Variants in KCNQ5 observed in about 807,000 individuals in gnomAD.
KCNQ5 encodes potassium voltage-gated channel subfamily KQT member 5.
Under a neutral mutation model 98.2 loss-of-function variants are expected in KCNQ5, and 30 were observed. The ratio of observed to expected loss-of-function variants is 0.31; its 90% CI spans 0.23 to 0.41. The LOEUF (loss-of-function observed/expected upper bound fraction) is 0.41. KCNQ5 is among the 10% of genes least tolerant of loss of function. The pLI is 1.00. For missense variants in KCNQ5, 835 were observed against 1,182.5 expected, an observed-to-expected ratio of 0.71 and a Z score of 4.31; for synonymous variants, 458 against 449.4, an observed-to-expected ratio of 1.02 and a Z score of -0.24.
intron 1 of KCNQ5, among the ~76,000 whole-genome samples, chr6:72,842,764 G>A (rs776241171): frequency 4.6e-5 from 7 of 151,878 alleles, no homozygotes. Flanking sequence ...TCATATGTTT[G>A]TTGGCAGTAT....
chr6:72,753,357 A>G (rs1771782071), intron 1 of KCNQ5, among the ~76,000 whole-genome samples: 1 of 152,050 alleles, frequency 6.6e-6, no homozygotes, highest in Admixed American at 6.6e-5. Flanking sequence ...TTATTCTTTC[A>G]TTAATTGTTG....
At chr6:72,946,749 A>G (rs1326261275) in intron 1 of KCNQ5, among the ~76,000 whole-genome samples, 1 of 152,222 alleles carries the variant, frequency 6.6e-6, no homozygotes, top group Non-Finnish European at 1.5e-5. Flanking sequence ...AGTGCTTGAT[A>G]TTTCTGTTAA....
chr6:72,998,401 G>T (rs551077983), intron 1 of KCNQ5, among the ~76,000 whole-genome samples: 1 of 152,082 alleles, frequency 6.6e-6, no homozygotes, highest in Admixed American at 6.5e-5. Context: ...TCTTCTTCCT[G>T]TTAGCATCTT....
At chr6:73,012,378 T>C (rs895622084) in intron 2 of KCNQ5, among the ~76,000 whole-genome samples, 1 of 151,984 alleles carries the variant, frequency 6.6e-6, no homozygotes, top group Non-Finnish European at 1.5e-5. Flanking sequence ...AGAAAAATAA[T>C]GTATGATTCC....
chr6:72,631,820 G>T (rs960809166), intron 1 of KCNQ5, among the ~76,000 whole-genome samples: 2 of 152,134 alleles, frequency 1.3e-5, no homozygotes, highest in African/African-American at 4.8e-5. Flanking sequence ...TTATAGAGAA[G>T]AAGTTTTTTT....
intron 1 of KCNQ5, among the ~76,000 whole-genome samples, chr6:72,856,593 T>C (rs1458206160): frequency 2.6e-5 from 4 of 152,124 alleles, no homozygotes; most frequent in African/African-American, 7.2e-5. Context: ...CTCTGCCCCA[T>C]TGAATCCTTA....
chr6:72,720,590 T>C (rs1769905567), intron 1 of KCNQ5, among the ~76,000 whole-genome samples: 2 of 152,206 alleles, frequency 1.3e-5, no homozygotes, highest in African/African-American at 4.8e-5. Context: ...GCCAAAGAGG[T>C]TTCTGCTAAC....
At position 72,955,781 on chromosome 6, in the gene KCNQ5, A is replaced by G. The variant is rs760644292; in HGVS notation, c.399-48127A>G. Among the ~76,000 whole-genome samples, 5 of 152,294 alleles carry G rather than the reference A, an allele frequency of 3.3e-5. No individual in the cohort carries two copies. The East Asian group carries it at 7.7e-4, about 23-fold the overall frequency. Reference sequence around the variant, plus strand: ...TGTTTTTTAAAGGTACTATGCAAAAACAATAATTCTTGCCTGTAGTCCCAG... The same window carrying G: ...TGTTTTTTAAAGGTACTATGCAAAAGCAATAATTCTTGCCTGTAGTCCCAG... On this transcript the variant is annotated intron_variant, in intron 1 of 13. Transcript: ENST00000370398.
At chr6:72,841,628 A>G (rs941470005) in intron 1 of KCNQ5, among the ~76,000 whole-genome samples, 2 of 152,142 alleles carry the variant, frequency 1.3e-5, no homozygotes, top group African/African-American at 4.8e-5. Flanking sequence ...TCTATTCCCC[A>G]TAATCTCTTA....
At chr6:72,672,763 T>C (rs950078816) in intron 1 of KCNQ5, among the ~76,000 whole-genome samples, 1 of 152,196 alleles carries the variant, frequency 6.6e-6, no homozygotes, top group Admixed American at 6.5e-5. Flanking sequence ...ATTTCATTAC[T>C]ATAATAGTGG....
chr6:72,663,806 A>T (rs555453381), intron 1 of KCNQ5, among the ~76,000 whole-genome samples: 2 of 149,184 alleles, frequency 1.3e-5, no homozygotes, highest in African/African-American at 4.9e-5. Flanking sequence ...TATATTCTTT[A>T]AAAAAAAAAG....
At chr6:72,744,955 T>C (rs1272784506) in intron 1 of KCNQ5, among the ~76,000 whole-genome samples, 2 of 152,190 alleles carry the variant, frequency 1.3e-5, no homozygotes, top group South Asian at 2.1e-4. Context: ...GGAATGGATA[T>C]GGATTTATGG....
At chr6:73,095,024 C>G (rs1027484778) in intron 5 of KCNQ5, among the ~76,000 whole-genome samples, 1 of 152,148 alleles carries the variant, frequency 6.6e-6, no homozygotes, top group African/African-American at 2.4e-5. Context: ...GTTTTCCAAA[C>G]TTTTAGATTT....
At chr6:73,065,382 G>T (rs1387145982) in intron 3 of KCNQ5, among the ~76,000 whole-genome samples, 2 of 152,108 alleles carry the variant, frequency 1.3e-5, no homozygotes, top group Non-Finnish European at 2.9e-5. Context: ...CTCCTTTACA[G>T]CTCCTCCTGA....
chr6:72,790,396 C>A (rs937798811), intron 1 of KCNQ5, among the ~76,000 whole-genome samples: 2 of 152,074 alleles, frequency 1.3e-5, no homozygotes, highest in African/African-American at 4.8e-5. Context: ...AATAGCCAGG[C>A]ACAGAAAGAC....
chr6:73,004,976 T>A (rs1769751194), intron 2 of KCNQ5, among the ~76,000 whole-genome samples: 1 of 152,234 alleles, frequency 6.6e-6, no homozygotes. Context: ...TTTCAACTCA[T>A]ATAACCTGAG....
chr6:72,985,419 C>T (rs1231260124), intron 1 of KCNQ5, among the ~76,000 whole-genome samples: 1 of 152,164 alleles, frequency 6.6e-6, no homozygotes, highest in Admixed American at 6.5e-5. Flanking sequence ...TAAACCACAA[C>T]ATTCCCCTGT....
chr6:72,693,936 C>G (rs1768347585), intron 1 of KCNQ5, among the ~76,000 whole-genome samples: 2 of 152,032 alleles, frequency 1.3e-5, no homozygotes. Flanking sequence ...GTCAGAATCC[C>G]ATATTTCTCT....
At chr6:72,890,246 C>G (rs967076095) in intron 1 of KCNQ5, among the ~76,000 whole-genome samples, 1 of 143,552 alleles carries the variant, frequency 7.0e-6, no homozygotes, top group Non-Finnish European at 1.5e-5. Context: ...CATCACCTGT[C>G]AAAATTACCT....
Sources: gnomAD v4.1 joint callset for allele counts (sites outside exome capture counted in the v4.1 genomes callset) on GRCh38, gnomAD v4.1.1 for gene constraint, MANE v1.5 for transcripts, NCBI Gene and HGNC (gene_info 2026-07-23, HGNC 2026-07-21) for gene names.